TBL1XR1: variants seen among roughly 807,000 people sequenced by gnomAD.
The protein encoded by TBL1XR1 is TBL1X/Y related 1, also known as F-box-like/WD repeat-containing protein TBL1XR1.
A neutral mutation model predicts 66.9 loss-of-function variants in TBL1XR1; 5 were observed. The observed-to-expected ratio is 0.07, with a 90% CI of 0.04 to 0.16. TBL1XR1 has a LOEUF of 0.16. TBL1XR1 is among the 10% of genes least tolerant of loss of function. The pLI is 1.00. For missense variants in TBL1XR1, 238 were observed against 623.2 expected (o/e 0.38, Z 6.58); for synonymous variants, 210 against 206.0 (o/e 1.02, Z -0.17).
rs144246448 is a variant in TBL1XR1 at position 177,100,311 on chromosome 3, G to T, written c.-121-1770C>A. Among the ~76,000 whole-genome samples the T allele has an allele frequency of 1.1e-4, 17 of 152,192 alleles. 2 individuals are homozygous for T. In the East Asian group the frequency reaches 3.3e-3, roughly 29 times the overall value. On this transcript the variant is annotated intron_variant, in intron 1 of 15. Transcript: ENST00000457928. ...TTATTTACAGTGCTATAATATTTTT[G>T]TTCATAACATTCTACATTCTTAATG... is the stretch of plus-strand genomic sequence containing the variant.
At chr3:177,052,005 G>A (rs906336862) in intron 4 of TBL1XR1, among the ~76,000 whole-genome samples, 3 of 152,108 alleles carry the variant, frequency 2.0e-5, no homozygotes, top group East Asian at 1.9e-4. Flanking sequence ...GATGTAGGCC[G>A]AGCTGATAAA....
intron 12 of TBL1XR1, among the ~76,000 whole-genome samples, chr3:177,035,898 T>C (rs886546143): frequency 3.3e-5 from 5 of 152,156 alleles, no homozygotes; most frequent in African/African-American, 1.2e-4. Context: ...TCAAATTTAT[T>C]CAGTAAGATT....
At chr3:177,166,347 G>A (rs993120346) in intron 1 of TBL1XR1, among the ~76,000 whole-genome samples, 6 of 152,170 alleles carry the variant, frequency 3.9e-5, no homozygotes, top group Admixed American at 1.3e-4. Flanking sequence ...ATATTAAACA[G>A]AGACCTTATT....
At chr3:177,079,148 T>C (rs569514736) in intron 2 of TBL1XR1, among the ~76,000 whole-genome samples, 3 of 152,044 alleles carry the variant, frequency 2.0e-5, no homozygotes, top group South Asian at 4.2e-4. Context: ...AAAAAAAATG[T>C]CGGCCGGGTG....
intron 2 of TBL1XR1, among the ~76,000 whole-genome samples, chr3:177,088,191 T>C (rs1195087772): frequency 5.9e-5 from 9 of 152,154 alleles, no homozygotes; most frequent in Admixed American, 5.9e-4. Flanking sequence ...TTAATATAAA[T>C]TGAGCACCCC....
At chr3:177,113,368 C>T (rs1037609476) in intron 1 of TBL1XR1, among the ~76,000 whole-genome samples, 1 of 152,046 alleles carries the variant, frequency 6.6e-6, no homozygotes, top group African/African-American at 2.4e-5. Flanking sequence ...CAAAAATAGA[C>T]AAATGGGATT....
At chr3:177,056,193 T>C (rs144061924) in intron 3 of TBL1XR1, among the ~76,000 whole-genome samples, 5 of 152,354 alleles carry the variant, frequency 3.3e-5, no homozygotes, top group South Asian at 2.1e-4. Context: ...ACTTATGTAA[T>C]GCTTATAAAT....
chr3:177,088,260 T>C (rs1461143830), intron 2 of TBL1XR1, among the ~76,000 whole-genome samples: 5 of 152,132 alleles, frequency 3.3e-5, no homozygotes, highest in African/African-American at 1.2e-4. Context: ...AGCAGTGACA[T>C]AACGCCATGA....
intron 1 of TBL1XR1, among the ~76,000 whole-genome samples, chr3:177,181,823 A>G (rs1475853462): frequency 5.5e-5 from 5 of 91,008 alleles, no homozygotes; most frequent in South Asian, 3.1e-4. Flanking sequence ...TCAAGTTAGG[A>G]AAAAAAAAAA....
At chr3:177,044,597 G>A (rs1716064647) in intron 10 of TBL1XR1, among the ~76,000 whole-genome samples, 1 of 152,064 alleles carries the variant, frequency 6.6e-6, no homozygotes, top group Non-Finnish European at 1.5e-5. Flanking sequence ...AGTTTCAATG[G>A]TGTATACATA....
chr3:177,108,595 G>C (rs62296571), intron 1 of TBL1XR1, among the ~76,000 whole-genome samples: 1 of 152,092 alleles, frequency 6.6e-6, no homozygotes, highest in Admixed American at 6.6e-5. Flanking sequence ...TTTTCGCACA[G>C]AAGTAATACT....
intron 1 of TBL1XR1, among the ~76,000 whole-genome samples, chr3:177,185,821 T>C (rs1201543939): frequency 6.6e-6 from 1 of 152,004 alleles, no homozygotes; most frequent in African/African-American, 2.4e-5. Flanking sequence ...CTGAGCAACA[T>C]AGTGAGATCC....
intron 3 of TBL1XR1, among the ~76,000 whole-genome samples, chr3:177,057,171 G>T (rs1363505602): frequency 6.6e-6 from 1 of 152,148 alleles, no homozygotes; most frequent in Non-Finnish European, 1.5e-5. Context: ...CTAACATCTT[G>T]AATATGCTGT....
Position 177,032,761 on chromosome 3 carries a change from TAATA to T in TBL1XR1, c.1416+206_1416+209del, listed in dbSNP as rs1195222299. The T allele has an allele frequency of 4.1e-4, 137 of 335,666 alleles. 2 individuals are homozygous for T. Among genetic ancestry groups the T allele is most frequent in the Non-Finnish European group, 9.4e-5 (18 of 191,298 alleles). 20.8% of individuals were successfully genotyped at this position (335,666 alleles called of 1,614,324 possible). On this transcript the variant is annotated intron_variant, in intron 14 of 15. Coordinates refer to ENST00000457928, the MANE Select transcript of TBL1XR1 (RefSeq NM_024665.7). ...GTTGGAAAAAAACAAAAGAATACAA[TAATA>T]AATAATAAAACAAATGATCAAAATC...
At chr3:177,062,059 G>C (rs1342675116) in intron 3 of TBL1XR1, among the ~76,000 whole-genome samples, 1 of 152,056 alleles carries the variant, frequency 6.6e-6, no homozygotes, top group Non-Finnish European at 1.5e-5. Flanking sequence ...TCCTATTTCT[G>C]GATGCAATTT....
chr3:177,142,559 C>G (rs1225394751), intron 1 of TBL1XR1, among the ~76,000 whole-genome samples: 1 of 152,124 alleles, frequency 6.6e-6, no homozygotes, highest in Admixed American at 6.6e-5. Flanking sequence ...GTGCAAAGTC[C>G]AAGCCCCAAC....
At chr3:177,069,979 C>G (rs1719750544) in intron 2 of TBL1XR1, among the ~76,000 whole-genome samples, 1 of 152,168 alleles carries the variant, frequency 6.6e-6, no homozygotes, top group South Asian at 2.1e-4. Flanking sequence ...AACCTGTCAC[C>G]TATATTTGTA....
At chr3:177,173,813 AC>A (rs1339309944) in intron 1 of TBL1XR1, among the ~76,000 whole-genome samples, 1 of 152,220 alleles carries the variant, frequency 6.6e-6, no homozygotes, top group Non-Finnish European at 1.5e-5. Context: ...GTGAGGGTAC[AC>A]TGGAACTTTG....
chr3:177,025,501 T>C lies in TBL1XR1; in HGVS notation c.1542A>G (p.Lys514=). 2 of 1,612,718 alleles carry C rather than the reference T, an allele frequency of 1.2e-6. No individual in the cohort carries two copies. The highest frequency in any genetic ancestry group is 1.7e-6 in the Non-Finnish European group (2 of 1,179,538). Residue 514 remains lysine (K), a synonymous_variant, in exon 16 of 16, where the codon AAA becomes AAG. Coordinates refer to ENST00000457928, the MANE Select transcript of TBL1XR1 (RefSeq NM_024665.7). ...DGSVCVLDLR[K] is the part of the protein sequence containing the mutation. Reference sequence around the variant, plus strand: ...CCATGGCTTCCAACTAGTAGCGCTATTTCCGAAGGTCTAATACACAAACCT... The same window carrying C: ...CCATGGCTTCCAACTAGTAGCGCTACTTCCGAAGGTCTAATACACAAACCT...
Sources: allele counts gnomAD v4.1 joint callset (sites outside exome capture counted in the v4.1 genomes callset), GRCh38; gene constraint gnomAD v4.1.1; transcripts MANE v1.5; gene names NCBI Gene and HGNC (gene_info 2026-07-23, HGNC 2026-07-21).